Variants in SVIL observed in about 807,000 individuals in gnomAD.
SVIL encodes supervillin.
A neutral mutation model predicts 240.4 loss-of-function variants in SVIL; 101 were observed. That is an observed-to-expected ratio of 0.42 (90% CI 0.36 to 0.50). The LOEUF is 0.50. Ranked by LOEUF, SVIL falls within the 20% of genes least tolerant of loss-of-function variation. The probability of loss-of-function intolerance (pLI) is 0.01; values close to 1 mark genes in which losing one functional copy is unlikely to be tolerated. For missense variants in SVIL, 2,512 were observed against 2,818.7 expected (o/e 0.89, Z 2.46); for synonymous variants, 999 against 1,100.0 (o/e 0.91, Z 1.82).
rs150878669 is a variant in SVIL, at chr10:29,550,771, T to C, written c.653A>G (p.His218Arg). The C allele has an allele frequency of 6.2e-7, 1 of 1,613,984 alleles. No individual in the cohort carries two copies. The highest frequency in any genetic ancestry group is 1.3e-5 in the African/African-American group (1 of 74,902). Reference sequence around the variant, plus strand: ...ACTCTCGGCTGCTGGGGACAGGTCATGGGCCTGCCGGGTGGCACTCAGCTC... The same window carrying C: ...ACTCTCGGCTGCTGGGGACAGGTCACGGGCCTGCCGGGTGGCACTCAGCTC... ...GQELSATRQA[H>R]DLSPAAESSS... Residue 218 changes from histidine (H) to arginine (R), a missense_variant, in exon 6 of 38, where the codon CAT becomes CGT. Around this residue, in one of 3 missense-constraint regions of SVIL, gnomAD observed 1,443 missense variants for 1,486.6 expected, o/e 0.97. Transcript: ENST00000355867.
At chr10:29,648,870 G>A (rs1958749761) in intron 3 of SVIL, among the ~76,000 whole-genome samples, 1 of 152,010 alleles carries the variant, frequency 6.6e-6, no homozygotes, top group Non-Finnish European at 1.5e-5. Context: ...GGGCATAGAG[G>A]CTCATGCCTA....
Position 29,470,720 on chromosome 10 carries a change from G to T in SVIL, c.5636-237C>A, listed in dbSNP as rs190050031. ...CATAGTTAGAAGCAGGTGATCTGAAGTCCACAATGTAGAAAAGCCATTTTC... is the reference window on the plus strand; with the variant it reads ...CATAGTTAGAAGCAGGTGATCTGAATTCCACAATGTAGAAAAGCCATTTTC... On this transcript the variant is annotated intron_variant, in intron 31 of 37. Transcript: ENST00000355867. Among the ~76,000 whole-genome samples, 8 of 152,240 alleles carry T rather than the reference G, an allele frequency of 5.3e-5. No individual in the cohort carries two copies. The East Asian group carries it at 1.5e-3, about 29-fold the overall frequency.
At chr10:29,525,872 C>T (rs1034007820) in intron 13 of SVIL, among the ~76,000 whole-genome samples, 1 of 152,128 alleles carries the variant, frequency 6.6e-6, no homozygotes, top group Admixed American at 6.5e-5. Flanking sequence ...AGGCCAGTGA[C>T]AAAAAAGCCA....
intron 1 of SVIL, among the ~76,000 whole-genome samples, chr10:29,602,665 A>G (rs1283574164): frequency 1.3e-5 from 2 of 152,372 alleles, no homozygotes; most frequent in Non-Finnish European, 2.9e-5. Flanking sequence ...CAAGCCTGAA[A>G]GAAGACTAAA....
intron 1 of SVIL, among the ~76,000 whole-genome samples, chr10:29,612,716 G>C (rs951053878): frequency 2.0e-5 from 3 of 152,056 alleles, no homozygotes; most frequent in African/African-American, 7.2e-5. Context: ...CATAGCAAAG[G>C]AAAAAAGATT....
chr10:29,580,007 C>T (rs980926529), intron 1 of SVIL, among the ~76,000 whole-genome samples: 2 of 151,952 alleles, frequency 1.3e-5, no homozygotes, highest in African/African-American at 2.4e-5. Context: ...ATACATCAAG[C>T]GTAGACCAAC....
chr10:29,480,941 G>T, intron 28 of SVIL, 128 bp from the exon 29 acceptor site: 2 of 1,147,448 alleles, frequency 1.7e-6, no homozygotes, highest in South Asian at 3.0e-5. Flanking sequence ...GTCTCAGGAT[G>T]TTTAACTGCA....
rs140897718 is a variant in SVIL at position 29,559,362 on chromosome 10, T to A, written c.-51+3839A>T. Among the ~76,000 whole-genome samples, 371 of 150,680 alleles carry A rather than the reference T, an allele frequency of 2.5e-3. 2 individuals carry two copies. Among genetic ancestry groups the A allele is most frequent in the African/African-American group, 8.7e-3 (360 of 41,552 alleles). On this transcript the variant is annotated intron_variant, in intron 3 of 37. Coordinates refer to ENST00000355867, the MANE Select transcript of SVIL (RefSeq NM_021738.3). ...GTCTATGTACATACATACACATACA[T>A]ATTTACATAGTATTTTTTCTGAACC... is the stretch of plus-strand genomic sequence containing the variant.
At position 29,493,242 on chromosome 10, in the gene SVIL, C is replaced by T; in HGVS notation, c.3991G>A (p.Asp1331Asn). The T allele has an allele frequency of 6.2e-7, 1 of 1,614,070 alleles. No individual in the cohort carries two copies. Among genetic ancestry groups the T allele is most frequent in the Non-Finnish European group, 8.5e-7 (1 of 1,180,002 alleles). Residue 1331 changes from aspartate to asparagine, a missense_variant, in exon 21 of 38, where the codon GAT becomes AAT. Asp to Asn is a conservative substitution (Grantham distance 23). Transcript: ENST00000355867. Reference protein sequence around the residue: ...RSPVEMDEDFDVIFDPYAPKL... With the variant: ...RSPVEMDEDFNVIFDPYAPKL... ...GGTGCATAAGGATCGAAAATGACAT[C>T]GAAGTCCTCATCCATCTCCACAGGA...
intron 1 of SVIL, among the ~76,000 whole-genome samples, chr10:29,717,790 C>A (rs1963717171): frequency 6.6e-6 from 1 of 152,138 alleles, no homozygotes; most frequent in African/African-American, 2.4e-5. Context: ...TGCTGGAGAA[C>A]TTGTATATTT....
At chr10:29,598,757 T>G (rs967794080) in intron 1 of SVIL, among the ~76,000 whole-genome samples, 10 of 152,238 alleles carry the variant, frequency 6.6e-5, no homozygotes, top group African/African-American at 2.4e-4. Context: ...CCATTCCTTT[T>G]TAGAATAATG....
chr10:29,679,163 C>T (rs1293176622), intron 2 of SVIL, among the ~76,000 whole-genome samples: 2 of 152,144 alleles, frequency 1.3e-5, no homozygotes, highest in Non-Finnish European at 2.9e-5. Flanking sequence ...AGAGATTGTG[C>T]CACTGCAATC....
At position 29,500,148 on chromosome 10, in the gene SVIL, C is replaced by T. The variant is rs116171148; in HGVS notation, c.3517-885G>A. ...GCTGAGGAGGGAGGGACAGGAGCAG[C>T]GATGGAAGCAGAGGACAGGGCTCAT... On this transcript the variant is annotated intron_variant, in intron 17 of 37. Transcript: ENST00000355867. 6.8e-3 allele frequency among the ~76,000 whole-genome samples: 1,038 copies of T among 151,974 alleles called. 13 individuals are homozygous for T. Among genetic ancestry groups the T allele is most frequent in the African/African-American group, 0.024 (990 of 41,418 alleles).
At chr10:29,633,498 C>G in intron 1 of SVIL, among the ~76,000 whole-genome samples, 1 of 152,086 alleles carries the variant, frequency 6.6e-6, no homozygotes, top group Non-Finnish European at 1.5e-5. Flanking sequence ...CCTGAAACAC[C>G]CCCATGCATT....
At chr10:29,472,086 G>A (rs1192158594) in intron 30 of SVIL, among the ~76,000 whole-genome samples, 1 of 152,148 alleles carries the variant, frequency 6.6e-6, no homozygotes, top group African/African-American at 2.4e-5. Flanking sequence ...TCCAGCCTGG[G>A]TGACAGAGTG....
chr10:29,688,513 G>A (rs1961261952), intron 1 of SVIL, among the ~76,000 whole-genome samples: 1 of 152,228 alleles, frequency 6.6e-6, no homozygotes, highest in East Asian at 1.9e-4. Context: ...CAAAAGCCAA[G>A]TTCTAATTTT....
intron 1 of SVIL, among the ~76,000 whole-genome samples, chr10:29,712,502 A>G (rs916810424): frequency 2.6e-5 from 4 of 152,150 alleles, no homozygotes; most frequent in African/African-American, 7.2e-5. Context: ...GCCTTTCAGT[A>G]TATGTGGAAG....
intron 3 of SVIL, among the ~76,000 whole-genome samples, chr10:29,653,638 A>G (rs1309780700): frequency 2.6e-5 from 4 of 152,142 alleles, no homozygotes; most frequent in Middle Eastern, 3.2e-3. Flanking sequence ...ATCCAAGGCC[A>G]TTAAATTTGT....
chr10:29,554,655 A>T, intron 5 of SVIL, 128 bp downstream of exon 5: 2 of 1,226,202 alleles, frequency 1.6e-6, no homozygotes, highest in Non-Finnish European at 2.1e-6. Flanking sequence ...ACCTTGTGCT[A>T]AAAAAATTAT....
Sources: gnomAD v4.1 joint callset for allele counts (sites outside exome capture counted in the v4.1 genomes callset) on GRCh38, gnomAD v4.1.1 for gene constraint, gnomAD v4.1.1 regional missense constraint, MANE v1.5 for transcripts, NCBI Gene and HGNC (gene_info 2026-07-23, HGNC 2026-07-21) for gene names.